The following BTBD3 variants were observed in gnomAD, a reference collection of about 807,000 sequenced individuals.
BTBD3 encodes BTB/POZ domain-containing protein 3.
BTBD3 carries 14 observed loss-of-function variants against 41.6 expected under a neutral mutation model. The observed-to-expected ratio is 0.34, with a 90% CI of 0.22 to 0.53. The LOEUF is 0.53. Ranked by LOEUF, BTBD3 falls within the 20% of genes least tolerant of loss-of-function variation. The pLI, the probability that BTBD3 is intolerant of heterozygous loss-of-function variation, is 0.95. For missense variants in BTBD3, 426 were observed against 654.7 expected, an observed-to-expected ratio of 0.65 and a Z score of 3.81; for synonymous variants, 249 against 233.7, an observed-to-expected ratio of 1.07 and a Z score of -0.60.
intron 1 of BTBD3, among the ~76,000 whole-genome samples, chr20:11,908,736 A>G (rs2056871522): frequency 6.6e-6 from 1 of 152,154 alleles, no homozygotes; most frequent in Middle Eastern, 3.4e-3. Flanking sequence ...TGGAACCTCA[A>G]TTTTTATTCT....
chr20:11,904,791 T>C (rs1271733966), intron 1 of BTBD3, among the ~76,000 whole-genome samples: 1 of 152,228 alleles, frequency 6.6e-6, no homozygotes, highest in Non-Finnish European at 1.5e-5. Context: ...ATTTGATACC[T>C]CACCAAAGCT....
chr20:11,900,769 G>A (rs932458806), intron 1 of BTBD3, among the ~76,000 whole-genome samples: 6 of 148,174 alleles, frequency 4.0e-5, no homozygotes, highest in Non-Finnish European at 5.9e-5. Context: ...GTGCAGCGGC[G>A]ACATCTCGAC....
upstream of BTBD3, among the ~76,000 whole-genome samples, chr20:11,917,182 A>C (rs2056924051): frequency 6.6e-6 from 1 of 152,210 alleles, no homozygotes; most frequent in Non-Finnish European, 1.5e-5. Context: ...AGTGAATTAC[A>C]GCCTTTGAAC....
intron 3 of BTBD3, chr20:11,921,651 G>T (rs1347541431): frequency 1.3e-5 from 2 of 152,212 alleles, no homozygotes; most frequent in Non-Finnish European, 2.9e-5. Context: ...AAAGGTTCCT[G>T]TGAGCAAAAA....
chr20:11,893,096 A>G (rs1600223744), intron 1 of BTBD3, among the ~76,000 whole-genome samples: 1 of 152,094 alleles, frequency 6.6e-6, no homozygotes, highest in African/African-American at 2.4e-5. Context: ...GGTATGCTAT[A>G]GACATCTAAT....
At chr20:11,920,328 T>C (rs879931584) in intron 3 of BTBD3, among the ~76,000 whole-genome samples, 5 of 152,194 alleles carry the variant, frequency 3.3e-5, no homozygotes, top group Admixed American at 3.3e-4. Context: ...CTGATCTTTG[T>C]GTACACATAC....
At chr20:11,891,799 A>C (rs1288045638) in intron 1 of BTBD3, among the ~76,000 whole-genome samples, 1 of 152,134 alleles carries the variant, frequency 6.6e-6, no homozygotes, top group Non-Finnish European at 1.5e-5. Context: ...TAATTCTATT[A>C]TTAGTCCTCA....
chr20:11,917,789 T>G, upstream of BTBD3: 1 of 296,742 alleles, frequency 3.4e-6, no homozygotes, highest in Non-Finnish European at 5.0e-6. Context: ...TGTCACTGTT[T>G]TGCTTGGTCC....
chr20:11,897,805 C>T (rs561779966), intron 1 of BTBD3, among the ~76,000 whole-genome samples: 1 of 152,132 alleles, frequency 6.6e-6, no homozygotes, highest in African/African-American at 2.4e-5. Flanking sequence ...TGCTTAAAAC[C>T]CTCCAGTGGC....
chr20:11,906,257 T>TTTTTTTTTTTA (rs2056853810), intron 1 of BTBD3, among the ~76,000 whole-genome samples: 1 of 95,002 alleles, frequency 1.1e-5, no homozygotes, highest in African/African-American at 3.7e-5. Context: ...ATTACTCCTT[T>TTTTTTTTTTTA]TTTTTTTTTT....
rs6134403 is a variant in BTBD3 at position 11,924,548 on chromosome 20, G to T, written c.*882G>T. On this transcript the variant is annotated 3_prime_UTR_variant, in exon 4 of 4. Coordinates refer to ENST00000378226, the MANE Select transcript of BTBD3 (RefSeq NM_014962.4). Reference sequence around the variant, plus strand: ...AAAGCCAAACTCTTCTCTCCACTTAGCTTTTGATCCCCACTGTTTGCTTAT... The same window carrying T: ...AAAGCCAAACTCTTCTCTCCACTTATCTTTTGATCCCCACTGTTTGCTTAT... 6.5e-6 allele frequency: 1 copy of T among 152,714 alleles called. No homozygotes were observed. Among genetic ancestry groups the T allele is most frequent in the Admixed American group, 6.5e-5 (1 of 15,298 alleles). 9.5% of individuals were successfully genotyped at this position (152,714 alleles called of 1,614,324 possible).
chr20:11,898,100 T>C (rs571374966), intron 1 of BTBD3, among the ~76,000 whole-genome samples: 1 of 152,252 alleles, frequency 6.6e-6, no homozygotes, highest in South Asian at 2.1e-4. Context: ...GGAGGTTGCA[T>C]GCAGTGAGCC....
At chr20:11,922,519 T>A (rs1299260928) in intron 3 of BTBD3, 115 bp from the exon 4 acceptor site, 1 of 820,648 alleles carries the variant, frequency 1.2e-6, no homozygotes, top group African/African-American at 1.7e-5. Context: ...TATGTTTGTA[T>A]TAACTGTCAC....
chr20:11,894,981 T>C (rs1409118422), intron 1 of BTBD3, among the ~76,000 whole-genome samples: 1 of 152,206 alleles, frequency 6.6e-6, no homozygotes, highest in Non-Finnish European at 1.5e-5. Flanking sequence ...TTTGGAAATA[T>C]GTTAGATCTT....
upstream of BTBD3, among the ~76,000 whole-genome samples, chr20:11,916,044 A>G (rs1231018944): frequency 2.0e-5 from 3 of 152,004 alleles, no homozygotes; most frequent in South Asian, 4.2e-4. Context: ...TGTTTTTTCT[A>G]TTTTGTCTCC....
chr20:11,923,795 C>T lies in BTBD3; in HGVS notation c.*129C>T. On this transcript the variant is annotated 3_prime_UTR_variant, in exon 4 of 4. Coordinates refer to ENST00000378226, the MANE Select transcript of BTBD3 (RefSeq NM_014962.4). This position sits in a 1 kb window ranked among gnomAD's most constrained non-coding sequence, Gnocchi z 5.3. The stretch of plus-strand genomic sequence containing the variant: ...TAATGAATGAAGCGGTAGGCAGGTT[C>T]TAATTTCTTTTAACCTTTTAATTAT... The T allele has an allele frequency of 1.1e-6, 1 of 935,182 alleles. No individual in the cohort carries two copies. The highest frequency in any genetic ancestry group is 1.6e-6 in the Non-Finnish European group (1 of 634,690). 57.9% of individuals were successfully genotyped at this position (935,182 alleles called of 1,614,324 possible).
intron 1 of BTBD3, among the ~76,000 whole-genome samples, chr20:11,904,915 G>A (rs1048181344): frequency 1.3e-5 from 2 of 152,094 alleles, no homozygotes; most frequent in African/African-American, 4.8e-5. Flanking sequence ...TTGTACTTTG[G>A]ATCTTTTACC....
At chr20:11,915,523 A>G (rs1293726816), upstream of BTBD3, among the ~76,000 whole-genome samples, 3 of 152,158 alleles carry the variant, frequency 2.0e-5, no homozygotes, top group Non-Finnish European at 4.4e-5. Context: ...TATGAAATGC[A>G]GATTCTGATC....
At chr20:11,897,904 A>T (rs1255727166) in intron 1 of BTBD3, among the ~76,000 whole-genome samples, 1 of 152,180 alleles carries the variant, frequency 6.6e-6, no homozygotes, top group Admixed American at 6.6e-5. Flanking sequence ...CACGCCTGTA[A>T]TCCAGCACTT....
Sources: gnomAD v4.1 joint callset for allele counts (sites outside exome capture counted in the v4.1 genomes callset) on GRCh38, gnomAD v4.1.1 for gene constraint, Gnocchi (gnomAD v3.1) non-coding constraint, MANE v1.5 for transcripts, NCBI Gene and HGNC (gene_info 2026-07-23, HGNC 2026-07-21) for gene names.